The following HMCES variants were observed in gnomAD, a reference collection of about 807,000 sequenced individuals.
HMCES encodes the protein abasic site processing protein HMCES.
A neutral mutation model predicts 35.1 loss-of-function variants in HMCES; 27 were observed. The ratio of observed to expected loss-of-function variants is 0.77; its 90% confidence interval spans 0.57 to 1.06. The LOEUF (loss-of-function observed/expected upper bound fraction) is 1.06. Ranked by LOEUF, HMCES falls within the 50% of genes least tolerant of loss-of-function variation. The probability of loss-of-function intolerance (pLI) is 0.00; values close to 1 mark genes in which losing one functional copy is unlikely to be tolerated. For synonymous variants in HMCES, 130 were observed against 154.7 expected, an observed-to-expected ratio of 0.84 and a Z score of 1.18; for missense variants, 391 against 430.4, an observed-to-expected ratio of 0.91 and a Z score of 0.81.
At chr3:129,282,835 G>T (rs1194149893) in intron 2 of HMCES, among the ~76,000 whole-genome samples, 1 of 152,172 alleles carries the variant, frequency 6.6e-6, no homozygotes, top group African/African-American at 2.4e-5. Context: ...AAGTCCAAAA[G>T]GGTAGAGGAA....
At chr3:129,281,180 C>T (rs1017029598) in intron 2 of HMCES, among the ~76,000 whole-genome samples, 2 of 151,824 alleles carry the variant, frequency 1.3e-5, no homozygotes, top group Admixed American at 1.3e-4. Context: ...TGAGATTGCA[C>T]CACTGCACTC....
chr3:129,284,476 G>A (rs1940581902), intron 2 of HMCES, among the ~76,000 whole-genome samples: 1 of 152,216 alleles, frequency 6.6e-6, no homozygotes, highest in Non-Finnish European at 1.5e-5. Flanking sequence ...ATCAGTTGAT[G>A]AAAGTGTCGT....
intron 4 of HMCES, among the ~76,000 whole-genome samples, chr3:129,291,113 G>C (rs954272494): frequency 2.0e-5 from 3 of 151,944 alleles, no homozygotes; most frequent in Non-Finnish European, 4.4e-5. Flanking sequence ...GAGGTGGGAG[G>C]ATCACTTGAA....
chr3:129,283,648 TG>T (rs1407616165), intron 2 of HMCES, among the ~76,000 whole-genome samples: 1 of 152,004 alleles, frequency 6.6e-6, no homozygotes, highest in African/African-American at 2.4e-5. Flanking sequence ...CTGACCAACA[TG>T]GTGAAACCCT....
Position 129,279,908 on chromosome 3 carries a change from T to G in HMCES, c.176T>G (p.Phe59Cys). Residue 59 changes from phenylalanine (F) to cysteine (C), a missense_variant, in exon 2 of 7, where the codon TTT becomes TGT. Physicochemically the swap from Phe to Cys is radical, Grantham distance 205. Coordinates refer to ENST00000383463, the MANE Select transcript of HMCES (RefSeq NM_020187.3). The surrounding 1 kb of genome is among the most constrained non-coding windows in gnomAD (Gnocchi z 4.2). Reference protein sequence around the residue: ...NSPVLLSRLHFEKDADSSERI... With the variant: ...NSPVLLSRLHCEKDADSSERI... ...CCAGTGCTTCTGTCTCGACTGCACT[T>G]TGAGAAGGTAACCAGCATTGCACTA... 1 of 1,589,850 alleles carries G rather than the reference T, an allele frequency of 6.3e-7. No individual in the cohort carries two copies. The highest frequency in any genetic ancestry group is 8.5e-7 in the Non-Finnish European group (1 of 1,170,296).
chr3:129,300,114 C>T (rs916924591), intron 5 of HMCES, among the ~76,000 whole-genome samples: 8 of 150,546 alleles, frequency 5.3e-5, no homozygotes, highest in Admixed American at 4.6e-4. Context: ...CATTGCCTAC[C>T]ATGTTTTGAG....
At chr3:129,287,212 T>G (rs1266691346) in intron 2 of HMCES, among the ~76,000 whole-genome samples, 1 of 150,880 alleles carries the variant, frequency 6.6e-6, no homozygotes, top group Non-Finnish European at 1.5e-5. Context: ...TTGTGGGGTT[T>G]TTTTGTTTTG....
intron 3 of HMCES, 53 bp downstream of exon 3, chr3:129,289,050 A>G: frequency 7.1e-7 from 1 of 1,413,002 alleles, no homozygotes; most frequent in Non-Finnish European, 9.5e-7. Context: ...TAAGGTTCCA[A>G]AGGGTGTTTC....
In HMCES at chr3:129,279,900, AC is replaced by A. The variant is rs773742940; in HGVS notation, c.169del (p.Leu57CysfsTer46). Reference sequence around the variant, plus strand: ...CCAACAGCCCAGTGCTTCTGTCTCGACTGCACTTTGAGAAGGTAACCAGCAT... The same window carrying A: ...CCAACAGCCCAGTGCTTCTGTCTCGATGCACTTTGAGAAGGTAACCAGCAT... ...QSNSPVLLSR[L>X]HFEKDADSSE... On this transcript the variant is annotated frameshift_variant, in exon 2 of 7. Coordinates refer to ENST00000383463, the MANE Select transcript of HMCES (RefSeq NM_020187.3). LOFTEE classifies it high-confidence loss of function. The surrounding 1 kb of genome is among the most constrained non-coding windows in gnomAD (Gnocchi z 4.2). The A allele has an allele frequency of 5.6e-6, 9 of 1,593,426 alleles. No individual in the cohort carries two copies. The highest frequency in any genetic ancestry group is 1.7e-4 in the Middle Eastern group (1 of 5,942).
At chr3:129,301,773 C>T (rs1236727210) in intron 5 of HMCES, among the ~76,000 whole-genome samples, 177 bp from the exon 6 acceptor site, 1 of 152,188 alleles carries the variant, frequency 6.6e-6, no homozygotes, top group Non-Finnish European at 1.5e-5. Flanking sequence ...GGTGTTGAAT[C>T]TGGTGCCCTG....
At chr3:129,295,777 C>T (rs1041783471) in intron 4 of HMCES, among the ~76,000 whole-genome samples, 1 of 152,174 alleles carries the variant, frequency 6.6e-6, no homozygotes, top group South Asian at 2.1e-4. Flanking sequence ...TCCCTCCACC[C>T]CTGCTTTTAA....
At chr3:129,289,684 T>A (rs2107690053) in intron 3 of HMCES, among the ~76,000 whole-genome samples, 1 of 152,178 alleles carries the variant, frequency 6.6e-6, no homozygotes, top group African/African-American at 2.4e-5. Context: ...CTACTTCTGT[T>A]GCATTCTATG....
chr3:129,299,056 G>T (rs1181954728), intron 5 of HMCES, among the ~76,000 whole-genome samples: 1 of 152,222 alleles, frequency 6.6e-6, no homozygotes, highest in Non-Finnish European at 1.5e-5. Flanking sequence ...GCTGAGGCAA[G>T]AGAATGGTGT....
In HMCES at chr3:129,295,298, A is replaced by G. The variant is rs370318963; in HGVS notation, c.454-3056A>G. Among the ~76,000 whole-genome samples, 30 of 151,444 alleles carry G rather than the reference A, an allele frequency of 2.0e-4. 5 individuals carry two copies. Among genetic ancestry groups the G allele is most frequent in the Admixed American group, 9.2e-4 (14 of 15,200 alleles). ...ACAGTGGCTCTAAAATTAACCATGCATGGTGGCTCGTGCCTGTGGTCCCAG... is the reference window on the plus strand; with the variant it reads ...ACAGTGGCTCTAAAATTAACCATGCGTGGTGGCTCGTGCCTGTGGTCCCAG... On this transcript the variant is annotated intron_variant, in intron 4 of 6. Coordinates refer to ENST00000383463, the MANE Select transcript of HMCES (RefSeq NM_020187.3).
At chr3:129,293,326 G>T (rs1156521083) in intron 4 of HMCES, among the ~76,000 whole-genome samples, 1 of 151,994 alleles carries the variant, frequency 6.6e-6, no homozygotes, top group Non-Finnish European at 1.5e-5. Context: ...CACCACTAAA[G>T]AATTTATTCA....
intron 2 of HMCES, among the ~76,000 whole-genome samples, chr3:129,282,602 T>A (rs1173504775): frequency 6.6e-6 from 1 of 152,248 alleles, no homozygotes; most frequent in Non-Finnish European, 1.5e-5. Context: ...TAACAAGTTT[T>A]ATTAAGATTG....
Position 129,298,372 on chromosome 3 carries a change from G to A in HMCES, c.472G>A (p.Ala158Thr). 6.2e-7 allele frequency: 1 copy of A among 1,614,200 alleles called. No homozygotes were observed. Among genetic ancestry groups the A allele is most frequent in the Non-Finnish European group, 8.5e-7 (1 of 1,180,038 alleles). Residue 158 changes from alanine (A) to threonine (T), a missense_variant, in exon 5 of 7, where the codon GCA becomes ACA. Coordinates refer to ENST00000383463, the MANE Select transcript of HMCES (RefSeq NM_020187.3). ...CTTCCAGTCAGGTAGCATTGGTGCT[G>A]CAGATAGTCCTGAGAACTGGGAGAA... is the stretch of plus-strand genomic sequence containing the variant. ...KTEKSGSIGA[A>T]DSPENWEKVW...
At chr3:129,289,970 G>A (rs1371387335) in intron 3 of HMCES, among the ~76,000 whole-genome samples, 5 of 151,926 alleles carry the variant, frequency 3.3e-5, no homozygotes, top group East Asian at 3.9e-4. Context: ...GGCGGATCAC[G>A]AGGTCAGGAG....
chr3:129,302,653 G>A (rs1157240760), intron 6 of HMCES, among the ~76,000 whole-genome samples: 2 of 152,068 alleles, frequency 1.3e-5, no homozygotes, highest in Non-Finnish European at 2.9e-5. Context: ...GGAGGTGGAG[G>A]TTGCAGTGAG....
Sources: allele counts gnomAD v4.1 joint callset (sites outside exome capture counted in the v4.1 genomes callset), GRCh38; gene constraint gnomAD v4.1.1; non-coding constraint Gnocchi (gnomAD v3.1); transcripts MANE v1.5; gene names NCBI Gene and HGNC (gene_info 2026-07-23, HGNC 2026-07-21).